The following ATP5ME variants were observed in gnomAD, a reference collection of about 807,000 sequenced individuals.
The protein encoded by ATP5ME is ATP synthase membrane subunit e.
Under a neutral mutation model 11.6 loss-of-function variants are expected in ATP5ME, and 10 were observed. The ratio of observed to expected loss-of-function variants is 0.86; its 90% confidence interval spans 0.53 to 1.46. The LOEUF (loss-of-function observed/expected upper bound fraction) is 1.46, where lower values mean the gene tolerates loss of function less well. Among genes scored for constraint, ATP5ME ranks in the 40% most tolerant of loss-of-function variants. The pLI is 0.00. For synonymous variants in ATP5ME, 45 were observed against 33.5 expected (o/e 1.34, Z -1.19); for missense variants, 115 against 85.4 (o/e 1.35, Z -1.37).
chr4:673,281 T>G lies in ATP5ME; in HGVS notation c.190+22A>C, dbSNP rs762520843. ...GCACAAACCTGGGAGGGACAATCTA[T>G]AAGAGCCAGTGTCACTCGTACCTTC... On this transcript the variant is annotated intron_variant, in intron 3 of 3. Coordinates refer to ENST00000304312, the MANE Select transcript of ATP5ME (RefSeq NM_007100.4). 84 of 1,614,026 alleles carry G rather than the reference T, an allele frequency of 5.2e-5. 1 individual carries two copies. The highest frequency in any genetic ancestry group is 8.3e-5 in the Admixed American group (5 of 59,966).
intron 3 of ATP5ME, among the ~76,000 whole-genome samples, 187 bp from the exon 4 acceptor site, chr4:672,706 C>T (rs1738581933): frequency 6.6e-6 from 1 of 152,090 alleles, no homozygotes; most frequent in Non-Finnish European, 1.5e-5. Context: ...ATTCTCCCAC[C>T]TCAGCCTTCT....
chr4:673,547 G>A, intron 2 of ATP5ME, 146 bp from the exon 3 acceptor site: 3 of 1,412,300 alleles, frequency 2.1e-6, no homozygotes, highest in Non-Finnish European at 2.9e-6. Context: ...GTCAACGCCT[G>A]ACCTTCACCC....
intron 3 of ATP5ME, 66 bp downstream of exon 3, chr4:673,237 C>A: frequency 6.2e-7 from 1 of 1,611,490 alleles, no homozygotes; most frequent in South Asian, 1.1e-5. Context: ...AAATGTCCTC[C>A]TCCATTTTCC....
chr4:674,009 C>CG, intron 1 of ATP5ME, 43 bp from the exon 2 acceptor site: 1 of 1,218,864 alleles, frequency 8.2e-7, no homozygotes, highest in South Asian at 1.3e-5. Context: ...ACGGGGCTCG[C>CG]GGGACGGGGG....
At position 673,351 on chromosome 4, in the gene ATP5ME, TCTC is replaced by T; in HGVS notation, c.139_141del (p.Glu47del). 1 of 1,614,158 alleles carries T rather than the reference TCTC, an allele frequency of 6.2e-7. No individual in the cohort carries two copies. Among genetic ancestry groups the T allele is most frequent in the Non-Finnish European group, 8.5e-7 (1 of 1,179,988 alleles). ...CGTTTCAGTTCATCCTGCTTCTTCTTCTCTTCTGCTGCTATCCTCCTCTCCTCT... is the reference window on the plus strand; with the variant it reads ...CGTTTCAGTTCATCCTGCTTCTTCTTTTCTGCTGCTATCCTCCTCTCCTCT... On this transcript the variant is annotated inframe_deletion, in exon 3 of 4. Coordinates refer to ENST00000304312, the MANE Select transcript of ATP5ME (RefSeq NM_007100.4).
At chr4:672,758 AT>A (rs1480858620) in intron 3 of ATP5ME, among the ~76,000 whole-genome samples, 13 of 151,720 alleles carry the variant, frequency 8.6e-5, no homozygotes, top group African/African-American at 3.1e-4. Flanking sequence ...TGCCTGGCTA[AT>A]TTTTTTTAGA....
At chr4:673,577 G>A in intron 2 of ATP5ME, 176 bp from the exon 3 acceptor site, 3 of 1,149,802 alleles carry the variant, frequency 2.6e-6, no homozygotes, top group Non-Finnish European at 3.6e-6. Flanking sequence ...CAACCCAGAG[G>A]CTACAGGGCC....
At chr4:673,207 G>T (rs575174687) in intron 3 of ATP5ME, 96 bp downstream of exon 3, 2 of 1,574,912 alleles carry the variant, frequency 1.3e-6, no homozygotes, top group Non-Finnish European at 1.7e-6. Flanking sequence ...TAAACAATCC[G>T]CATCTACTTA....
chr4:674,070 G>A lies in ATP5ME; in HGVS notation c.37-104C>T. Reference sequence around the variant, plus strand: ...GCTGGGCAGAGGTCGCAGGAGGGGTGGGGGTCCGGTCGCCGGGCGAGGGTC... The same window carrying A: ...GCTGGGCAGAGGTCGCAGGAGGGGTAGGGGTCCGGTCGCCGGGCGAGGGTC... On this transcript the variant is annotated intron_variant, in intron 1 of 3. Coordinates refer to ENST00000304312, the MANE Select transcript of ATP5ME (RefSeq NM_007100.4). 7 of 1,459,836 alleles carry A rather than the reference G, an allele frequency of 4.8e-6. 1 individual carries two copies. The South Asian group carries it at 6.3e-5, about 13-fold the overall frequency. 90.4% of individuals were successfully genotyped at this position (1,459,836 alleles called of 1,614,324 possible).
Position 672,890 on chromosome 4 carries a change from G to A in ATP5ME, c.191-371C>T, listed in dbSNP as rs577517096. Among the ~76,000 whole-genome samples the A allele has an allele frequency of 9.2e-5, 14 of 152,354 alleles. No individual in the cohort carries two copies. In the East Asian group the frequency reaches 2.7e-3, roughly 29 times the overall value. ...AGCTTTCTGAGTAGCTGGGATTACAGGTGCCTGCCACCATGCCCGGCTGAT... is the reference window on the plus strand; with the variant it reads ...AGCTTTCTGAGTAGCTGGGATTACAAGTGCCTGCCACCATGCCCGGCTGAT... On this transcript the variant is annotated intron_variant, in intron 3 of 3. Transcript: ENST00000304312.
chr4:672,555 C>T (rs1300233816), intron 3 of ATP5ME, 36 bp from the exon 4 acceptor site: 1 of 1,611,794 alleles, frequency 6.2e-7, no homozygotes, highest in African/African-American at 1.3e-5. Context: ...GCACATGTTA[C>T]CACTCAGGCA....
In ATP5ME at chr4:673,289, A is replaced by G. The variant is rs754356649; in HGVS notation, c.190+14T>C. ...CTGGGAGGGACAATCTATAAGAGCC[A>G]GTGTCACTCGTACCTTCTGCCAATT... On this transcript the variant is annotated intron_variant, in intron 3 of 3. Transcript: ENST00000304312. The G allele has an allele frequency of 3.7e-6, 6 of 1,614,178 alleles. No individual in the cohort carries two copies. Among genetic ancestry groups the G allele is most frequent in the Non-Finnish European group, 4.2e-6 (5 of 1,179,992 alleles).
rs1412536790 is a variant in ATP5ME, at chr4:673,931, G to C, written c.72C>G (p.Ala24=). 6.5e-7 allele frequency: 1 copy of C among 1,546,276 alleles called. No homozygotes were observed. Among genetic ancestry groups the C allele is most frequent in the South Asian group, 1.2e-5 (1 of 84,050 alleles). The stretch of plus-strand genomic sequence containing the variant: ...ACTCACTGTAGCGCGTGGCTCCGTA[G>C]GCCACACCGAGGAACAGGGCGGAGT... ...GRYSALFLGV[A]YGATRYNYLK... Residue 24 remains alanine (A), a synonymous_variant, in exon 2 of 4, where the codon GCC becomes GCG. Transcript: ENST00000304312.
intron 1 of ATP5ME, 60 bp downstream of exon 1, chr4:674,152 T>C: frequency 1.3e-6 from 1 of 795,688 alleles, no homozygotes; most frequent in Non-Finnish European, 1.6e-6. Flanking sequence ...GGGTCGGAGC[T>C]GCGGGGCGGG....
rs143075692 is a variant in ATP5ME at position 674,226 on chromosome 4, A to G, written c.22T>C (p.Ser8Pro). The G allele has an allele frequency of 2.5e-6, 4 of 1,611,944 alleles. No individual in the cohort carries two copies. Among genetic ancestry groups the G allele is most frequent in the African/African-American group, 2.7e-5 (2 of 74,968 alleles). The change falls in exon 1 of 4, where the codon TCT becomes CCT. Residue 8 changes from serine to proline, a missense_variant. Physicochemically the swap from Ser to Pro is moderately conservative, Grantham distance 74. Transcript: ENST00000304312. Reference protein sequence around the residue: MVPPVQVSPLIKLGRYSA... With the variant: MVPPVQVPPLIKLGRYSA... ...GCCTGGATCACCTTGATGAGCGGAG[A>G]GACCTGCACCGGTGGCACCATCTTG... is the stretch of plus-strand genomic sequence containing the variant.
chr4:673,627 C>G, intron 2 of ATP5ME: 1 of 804,624 alleles, frequency 1.2e-6, no homozygotes, highest in Non-Finnish European at 1.9e-6. Context: ...CACTCGTCCT[C>G]TGCGAACAGG....
At position 673,291 on chromosome 4, in the gene ATP5ME, T is replaced by C; in HGVS notation, c.190+12A>G. On this transcript the variant is annotated intron_variant, in intron 3 of 3. Transcript: ENST00000304312. ...GGGAGGGACAATCTATAAGAGCCAG[T>C]GTCACTCGTACCTTCTGCCAATTCT... 1.2e-6 allele frequency: 2 copies of C among 1,614,198 alleles called. No individual in the cohort carries two copies. Among genetic ancestry groups the C allele is most frequent in the East Asian group, 2.2e-5 (1 of 44,892 alleles).
At position 673,416 on chromosome 4, in the gene ATP5ME, G is replaced by A. The variant is rs552730696; in HGVS notation, c.92-15C>T. 13 of 1,614,094 alleles carry A rather than the reference G, an allele frequency of 8.1e-6. No homozygotes were observed. The highest frequency in any genetic ancestry group is 1.7e-4 in the Middle Eastern group (1 of 6,060). On this transcript the variant is annotated splice_polypyrimidine_tract_variant and intron_variant, in intron 2 of 3. Transcript: ENST00000304312. Reference sequence around the variant, plus strand: ...TTTTAGGTAATCTGTTTGGCGGAATGCAGGAGAATAAAATTCACTGGAAAT... The same window carrying A: ...TTTTAGGTAATCTGTTTGGCGGAATACAGGAGAATAAAATTCACTGGAAAT...
At chr4:673,161 G>A (rs950733527) in intron 3 of ATP5ME, 142 bp downstream of exon 3, 30 of 1,358,448 alleles carry the variant, frequency 2.2e-5, no homozygotes, top group Admixed American at 4.2e-5. Flanking sequence ...TGGGATACAG[G>A]CATGAGCCAC....
Sources: gnomAD v4.1 joint callset for allele counts (sites outside exome capture counted in the v4.1 genomes callset) on GRCh38, gnomAD v4.1.1 for gene constraint, MANE v1.5 for transcripts, NCBI Gene and HGNC (gene_info 2026-07-23, HGNC 2026-07-21) for gene names.